The following SOS1 variants were observed in gnomAD, a reference collection of about 807,000 sequenced individuals.
The protein encoded by SOS1 is son of sevenless homolog 1.
In SOS1, 25 loss-of-function variants were observed where a neutral mutation model predicts 157.6. The ratio of observed to expected loss-of-function variants is 0.16; its 90% CI spans 0.12 to 0.22. SOS1 has a LOEUF of 0.22. SOS1 is among the 10% of genes least tolerant of loss of function. The pLI, the probability that SOS1 is intolerant of heterozygous loss-of-function variation, is 1.00. For missense variants in SOS1, 1,237 were observed against 1,599.1 expected (o/e 0.77, Z 3.86); for synonymous variants, 528 against 534.0 (o/e 0.99, Z 0.16).
intron 20 of SOS1, among the ~76,000 whole-genome samples, chr2:38,991,263 C>G (rs1668725501): frequency 6.6e-6 from 1 of 151,826 alleles, no homozygotes; most frequent in Non-Finnish European, 1.5e-5. Context: ...TTCTTAAACT[C>G]ACAAAAGCCT....
At chr2:38,986,734 C>T (rs909972200) in intron 22 of SOS1, among the ~76,000 whole-genome samples, 2 of 151,944 alleles carry the variant, frequency 1.3e-5, no homozygotes, top group African/African-American at 2.4e-5. Flanking sequence ...AAAAGTTTGC[C>T]GTAGTTTTTA....
chr2:39,115,343 T>G (rs1409702190), intron 1 of SOS1, among the ~76,000 whole-genome samples: 3 of 151,844 alleles, frequency 2.0e-5, no homozygotes, highest in Admixed American at 6.6e-5. Flanking sequence ...TTCCCTTCTT[T>G]CATTGAGTAT....
intron 1 of SOS1, among the ~76,000 whole-genome samples, chr2:39,085,781 G>C (rs1056109556): frequency 6.6e-6 from 1 of 152,154 alleles, no homozygotes. Flanking sequence ...GACTTTCTGA[G>C]TAATGCAAAG....
chr2:39,053,243 A>ATGG (rs1671084520), intron 5 of SOS1, among the ~76,000 whole-genome samples: 1 of 152,356 alleles, frequency 6.6e-6, no homozygotes, highest in East Asian at 1.9e-4. Flanking sequence ...ATATTCCCAC[A>ATGG]AGTAGTTGCT....
At chr2:39,029,818 A>G (rs1424786510) in intron 8 of SOS1, among the ~76,000 whole-genome samples, 2 of 152,160 alleles carry the variant, frequency 1.3e-5, no homozygotes, top group African/African-American at 4.8e-5. Context: ...GTTTCTAGAT[A>G]AGAATTTCTG....
At chr2:39,086,812 T>A (rs1042331395) in intron 1 of SOS1, among the ~76,000 whole-genome samples, 2 of 152,062 alleles carry the variant, frequency 1.3e-5, no homozygotes, top group African/African-American at 4.8e-5. Flanking sequence ...ACAGTTGCGT[T>A]GTTGTTCTTT....
chr2:39,121,772 G>A (rs1047764033), upstream of SOS1, among the ~76,000 whole-genome samples: 1 of 152,208 alleles, frequency 6.6e-6, no homozygotes, highest in Non-Finnish European at 1.5e-5. Flanking sequence ...CCTCTACACA[G>A]TGTAGAACAG....
At position 39,120,322 on chromosome 2, in the gene SOS1, C is replaced by A; in HGVS notation, c.87+14G>T. The A allele has an allele frequency of 6.4e-7, 1 of 1,567,510 alleles. No individual in the cohort carries two copies. The highest frequency in any genetic ancestry group is 1.1e-5 in the South Asian group (1 of 87,588). On this transcript the variant is annotated intron_variant, in intron 1 of 22. Coordinates refer to ENST00000402219, the MANE Select transcript of SOS1 (RefSeq NM_005633.4). ...GGGCTGCGGCCGGGAAGCGGGGTCC[C>A]GCGTGCTCCTCACCTTTTTCAGCGC... is the stretch of plus-strand genomic sequence containing the variant.
rs76282146 is a variant in SOS1, at chr2:39,069,471, A to C, written c.88-1718T>G. On this transcript the variant is annotated intron_variant, in intron 1 of 22. Coordinates refer to ENST00000402219, the MANE Select transcript of SOS1 (RefSeq NM_005633.4). Reference sequence around the variant, plus strand: ...TACGTATGCATTCATATACATTTTAAAGGCAAATAGCATTGTAACAATCCA... The same window carrying C: ...TACGTATGCATTCATATACATTTTACAGGCAAATAGCATTGTAACAATCCA... 9.4e-3 allele frequency among the ~76,000 whole-genome samples: 1,433 copies of C among 152,320 alleles called. 35 individuals are homozygous for C. Among genetic ancestry groups the C allele is most frequent in the African/African-American group, 0.033 (1,363 of 41,564 alleles).
chr2:39,039,047 C>T (rs947530354), intron 6 of SOS1, among the ~76,000 whole-genome samples: 2 of 152,062 alleles, frequency 1.3e-5, no homozygotes, highest in African/African-American at 4.8e-5. Context: ...AAGGCAAGAC[C>T]CTTCACCAGC....
At chr2:39,035,782 G>A (rs1670321873) in intron 6 of SOS1, among the ~76,000 whole-genome samples, 1 of 152,268 alleles carries the variant, frequency 6.6e-6, no homozygotes, top group South Asian at 2.1e-4. Context: ...GGCCATAAGA[G>A]TGGGCAGACT....
intron 5 of SOS1, 108 bp downstream of exon 5, chr2:39,054,505 TA>T: frequency 1.5e-6 from 1 of 686,526 alleles, no homozygotes; most frequent in Non-Finnish European, 2.6e-6. Context: ...TCCCACAACT[TA>T]AAAAAATTAA....
At chr2:39,097,587 T>C (rs1268926401) in intron 1 of SOS1, among the ~76,000 whole-genome samples, 5 of 151,744 alleles carry the variant, frequency 3.3e-5, no homozygotes, top group Non-Finnish European at 5.9e-5. Context: ...AGATGGGGTC[T>C]CGCTCTGTCA....
chr2:39,051,396 C>A, intron 5 of SOS1, 109 bp from the exon 6 acceptor site: 1 of 964,756 alleles, frequency 1.0e-6, no homozygotes, highest in Non-Finnish European at 1.6e-6. Flanking sequence ...ATGTCAGACA[C>A]AGTGAAAAAT....
At chr2:39,109,435 A>C (rs899339686) in intron 1 of SOS1, among the ~76,000 whole-genome samples, 4 of 152,074 alleles carry the variant, frequency 2.6e-5, no homozygotes, top group Non-Finnish European at 5.9e-5. Context: ...CAAAGCCCCA[A>C]TATGTAAAAG....
At chr2:39,121,613 T>TTCC (rs1354575004), upstream of SOS1, among the ~76,000 whole-genome samples, 2 of 152,226 alleles carry the variant, frequency 1.3e-5, no homozygotes, top group Non-Finnish European at 2.9e-5. Context: ...AGTAAGCACT[T>TTCC]TCCTCCAGTG....
chr2:39,050,016 G>T (rs1670950075), intron 6 of SOS1, among the ~76,000 whole-genome samples: 1 of 152,000 alleles, frequency 6.6e-6, no homozygotes, highest in African/African-American at 2.4e-5. Context: ...TTCCATTCCT[G>T]ATCTTGTTTT....
intron 1 of SOS1, among the ~76,000 whole-genome samples, chr2:39,107,569 T>G (rs963828): frequency 0.51 from 77,299 of 151,098 alleles, 21,940 homozygotes; most frequent in East Asian, 0.68. Flanking sequence ...CCTAACAAAT[T>G]TCTTATGTGC....
At chr2:39,037,227 A>C (rs1160848791) in intron 6 of SOS1, among the ~76,000 whole-genome samples, 2 of 152,214 alleles carry the variant, frequency 1.3e-5, no homozygotes, top group African/African-American at 2.4e-5. Flanking sequence ...AAGTTTCAAA[A>C]ACAACAAGAG....
Sources: allele counts gnomAD v4.1 joint callset (sites outside exome capture counted in the v4.1 genomes callset), GRCh38; gene constraint gnomAD v4.1.1; transcripts MANE v1.5; gene names NCBI Gene and HGNC (gene_info 2026-07-23, HGNC 2026-07-21).